The following ITPR3 variants were observed in gnomAD, a reference collection of about 807,000 sequenced individuals.
ITPR3 encodes the protein inositol 1,4,5-trisphosphate-gated calcium channel ITPR3.
In ITPR3, 173 loss-of-function variants were observed where a neutral mutation model predicts 293.2. That is an observed-to-expected ratio of 0.59 (90% CI 0.52 to 0.67). The LOEUF is 0.67. Among genes scored for constraint, ITPR3 ranks in the 30% least tolerant of loss-of-function variants. ITPR3 has a pLI of 0.00. For missense variants in ITPR3, 2,796 were observed against 3,592.1 expected (o/e 0.78, Z 5.66); for synonymous variants, 1,295 against 1,444.4 (o/e 0.90, Z 2.35).
chr6:33,676,533 T>A (rs1471774832), intron 25 of ITPR3, among the ~76,000 whole-genome samples: 1 of 152,122 alleles, frequency 6.6e-6, no homozygotes, highest in Non-Finnish European at 1.5e-5. Flanking sequence ...TGAAGCCAGG[T>A]TATGTGGCAG....
intron 1 of ITPR3, among the ~76,000 whole-genome samples, chr6:33,635,356 G>A (rs139027384): frequency 2.0e-5 from 3 of 152,230 alleles, no homozygotes; most frequent in Admixed American, 2.0e-4. Context: ...TACCTGAGGC[G>A]GGGACCTTGT....
Position 33,692,672 on chromosome 6 carries a change from T to C in ITPR3, c.7459-56T>C. 6.4e-7 allele frequency: 1 copy of C among 1,566,762 alleles called. No individual in the cohort carries two copies. The highest frequency in any genetic ancestry group is 8.7e-7 in the Non-Finnish European group (1 of 1,142,940). On this transcript the variant is annotated intron_variant, in intron 54 of 57. Transcript: ENST00000605930. This position sits in a 1 kb window ranked among gnomAD's most constrained non-coding sequence, Gnocchi z 4.2. ...CCTGGCCCCAACCTGAGTCCTATCT[T>C]GCCCCAGTGAATGTGGGGACCACCG...
intron 9 of ITPR3, among the ~76,000 whole-genome samples, chr6:33,663,231 G>A (rs888117481): frequency 6.6e-5 from 10 of 152,010 alleles, no homozygotes; most frequent in Non-Finnish European, 1.5e-4. Flanking sequence ...TCTAGGCACA[G>A]GGGATACAAA....
chr6:33,674,123 A>G, intron 23 of ITPR3, 85 bp from the exon 24 acceptor site: 1 of 1,491,618 alleles, frequency 6.7e-7, no homozygotes, highest in Non-Finnish European at 9.3e-7. Flanking sequence ...AGTGCAGGGA[A>G]GAGGGTGGTT....
intron 2 of ITPR3, among the ~76,000 whole-genome samples, chr6:33,648,480 C>T (rs1764117883): frequency 6.6e-6 from 1 of 152,172 alleles, no homozygotes; most frequent in Admixed American, 6.5e-5. Flanking sequence ...CCAACAGCAT[C>T]CTGTGGCCTG....
chr6:33,655,889 T>A lies in ITPR3; in HGVS notation c.282+2T>A. ...GTGGTGTTGCTGCAGAAGCTGCAGG[T>A]ATGTGTGTGTGTGCAGGCGTGCATC... is the stretch of plus-strand genomic sequence containing the variant. On this transcript the variant is annotated splice_donor_variant, in intron 3 of 57. Coordinates refer to ENST00000605930, the MANE Select transcript of ITPR3 (RefSeq NM_002224.4). LOFTEE classifies it high-confidence loss of function. This position sits in a 1 kb window ranked among gnomAD's most constrained non-coding sequence, Gnocchi z 4.9. The A allele has an allele frequency of 6.2e-7, 1 of 1,613,810 alleles. No homozygotes were observed. Among genetic ancestry groups the A allele is most frequent in the Non-Finnish European group, 8.5e-7 (1 of 1,179,932 alleles).
At chr6:33,643,022 CTA>C (rs1763984707) in intron 2 of ITPR3, among the ~76,000 whole-genome samples, 1 of 152,206 alleles carries the variant, frequency 6.6e-6, no homozygotes, top group Non-Finnish European at 1.5e-5. Flanking sequence ...GAGACATGGA[CTA>C]TAGCCTCTTC....
In ITPR3 at chr6:33,654,285, T is replaced by TA. The variant is rs1248094642; in HGVS notation, c.161-1473dup. ...CGTGTCTCAAAAAAAATAAGAAAAATAAAAAAAATAAAAAAGACACACTCT... is the reference window on the plus strand; with the variant it reads ...CGTGTCTCAAAAAAAATAAGAAAAATAAAAAAAAATAAAAAAGACACACTCT... On this transcript the variant is annotated intron_variant, in intron 2 of 57. Coordinates refer to ENST00000605930, the MANE Select transcript of ITPR3 (RefSeq NM_002224.4). This position sits in a 1 kb window ranked among gnomAD's most constrained non-coding sequence, Gnocchi z 4.1. 3.3e-5 allele frequency among the ~76,000 whole-genome samples: 5 copies of TA among 151,134 alleles called. No homozygotes were observed. In the East Asian group the frequency reaches 5.9e-4, roughly 18 times the overall value.
chr6:33,677,163 C>G (rs993081867), intron 27 of ITPR3, 74 bp downstream of exon 27: 1 of 1,354,478 alleles, frequency 7.4e-7, no homozygotes, highest in Non-Finnish European at 1.0e-6. Context: ...GGCCCGGCCC[C>G]CTGTGCCTCT....
In ITPR3 at chr6:33,688,371, G is replaced by C. The variant is rs1313039986; in HGVS notation, c.6508G>C (p.Asp2170His). Residue 2170 changes from aspartate (D) to histidine (H), a missense_variant, in exon 48 of 58, where the codon GAC becomes CAC. Coordinates refer to ENST00000605930, the MANE Select transcript of ITPR3 (RefSeq NM_002224.4). ...GGACGAGCAGGGCAGCAAAGTGAGC[G>C]ACTTCTTCGACCAGTCCTCCTTCCT... ...EQDEQGSKVS[D>H]FFDQSSFLHN... 6.6e-7 allele frequency: 1 copy of C among 1,524,314 alleles called. No homozygotes were observed. The highest frequency in any genetic ancestry group is 1.1e-5 in the South Asian group (1 of 89,970). 94.4% of individuals were successfully genotyped at this position (1,524,314 alleles called of 1,614,324 possible). A position where few individuals can be genotyped will look rare whatever the true frequency, so the allele number is the denominator to read the frequency against.
chr6:33,685,950 T>TG, intron 41 of ITPR3, 103 bp from the exon 42 acceptor site: 2 of 1,518,308 alleles, frequency 1.3e-6, no homozygotes, highest in East Asian at 2.3e-5. Flanking sequence ...GCTTTGTGGC[T>TG]GGTGGTTCCC....
rs1464147747 is a variant in ITPR3 at position 33,693,763 on chromosome 6, A to G, written c.7785+58A>G. 4 of 1,584,156 alleles carry G rather than the reference A, an allele frequency of 2.5e-6. No individual in the cohort carries two copies. The African/African-American group carries it at 5.4e-5, about 21-fold the overall frequency. ...CCAAACCAGCCATTCTAGAGTCATC[A>G]CTGTGCACCAGAGGCCTCATGGTTT... On this transcript the variant is annotated intron_variant, in intron 56 of 57. Transcript: ENST00000605930.
rs1765426349 is a variant in ITPR3, at chr6:33,692,668, A to G, written c.7459-60A>G. On this transcript the variant is annotated intron_variant, in intron 54 of 57. Coordinates refer to ENST00000605930, the MANE Select transcript of ITPR3 (RefSeq NM_002224.4). The surrounding 1 kb of genome is among the most constrained non-coding windows in gnomAD (Gnocchi z 4.2). ...CAGCCCTGGCCCCAACCTGAGTCCT[A>G]TCTTGCCCCAGTGAATGTGGGGACC... The G allele has an allele frequency of 1.2e-5, 19 of 1,560,714 alleles. No individual in the cohort carries two copies. In the East Asian group the frequency reaches 2.9e-4, roughly 24 times the overall value.
Position 33,621,648 on chromosome 6 carries a change from C to A in ITPR3, c.46C>A (p.Leu16Met). Residue 16 changes from leucine to methionine, a missense_variant, in exon 1 of 58, where the codon CTG becomes ATG. Leu to Met is a conservative substitution (Grantham distance 15). This residue lies in a region of ITPR3 where 22 missense variants were observed against 56.5 expected (regional missense o/e 0.39). Transcript: ENST00000605930. This position sits in a 1 kb window ranked among gnomAD's most constrained non-coding sequence, Gnocchi z 7.7. The part of the protein sequence containing the change: ...SFLHIGDIVS[L>M]YAEGSVNGFI... ...TCTTCACATCGGGGACATCGTCTCCCTGTACGCCGAGGGCTCCGTCAATGG... is the reference window on the plus strand; with the variant it reads ...TCTTCACATCGGGGACATCGTCTCCATGTACGCCGAGGGCTCCGTCAATGG... 6.2e-7 allele frequency: 1 copy of A among 1,610,670 alleles called. No homozygotes were observed.
rs755640976 is a variant in ITPR3 at position 33,659,107 on chromosome 6, C to T, written c.615C>T (p.Ala205=). 1.5e-5 allele frequency: 24 copies of T among 1,613,540 alleles called. No homozygotes were observed. Among genetic ancestry groups the T allele is most frequent in the Middle Eastern group, 1.7e-4 (1 of 6,028 alleles). ...HASNYELSDN[A]GCKEVNSVNC... The stretch of plus-strand genomic sequence containing the variant: ...GCAATTACGAGCTCAGCGACAACGC[C>T]GGCTGCAAGGAGGTGAGGGGGTGGG... The change falls in exon 6 of 58, where the codon GCC becomes GCT. Residue 205 remains alanine (A), a synonymous_variant. Coordinates refer to ENST00000605930, the MANE Select transcript of ITPR3 (RefSeq NM_002224.4).
chr6:33,687,258 G>A lies in ITPR3; in HGVS notation c.6108G>A (p.Glu2036=), dbSNP rs750545352. The A allele has an allele frequency of 4.3e-6, 7 of 1,613,732 alleles. No homozygotes were observed. The highest frequency in any genetic ancestry group is 5.1e-6 in the Non-Finnish European group (6 of 1,179,742). The change falls in exon 45 of 58, where the codon GAG becomes GAA. Residue 2036 remains glutamate (E), a synonymous_variant. Coordinates refer to ENST00000605930, the MANE Select transcript of ITPR3 (RefSeq NM_002224.4). This position sits in a 1 kb window ranked among gnomAD's most constrained non-coding sequence, Gnocchi z 5.3. ...VDVIKKAYLQ[E]EERENSEVSP... is the part of the protein sequence containing the mutation. ...TCATCAAGAAGGCCTACCTGCAGGA[G>A]GAAGAGCGTGAGAACTCGGAGGTGA...
At chr6:33,652,094 C>T (rs1764205341) in intron 2 of ITPR3, among the ~76,000 whole-genome samples, 1 of 152,180 alleles carries the variant, frequency 6.6e-6, no homozygotes, top group African/African-American at 2.4e-5. Flanking sequence ...CCGGTCTCAG[C>T]TCAGCACCTC....
chr6:33,675,857 G>A lies in ITPR3; in HGVS notation c.3282+1G>A, dbSNP rs1021523464. 6.4e-7 allele frequency: 1 copy of A among 1,557,978 alleles called. No homozygotes were observed. The highest frequency in any genetic ancestry group is 8.7e-7 in the Non-Finnish European group (1 of 1,150,754). ...GGAGGCCATGCACACCTTCAAGCAGGTGACGGGACTACCTGGCCCTGGCCC... is the reference window on the plus strand; with the variant it reads ...GGAGGCCATGCACACCTTCAAGCAGATGACGGGACTACCTGGCCCTGGCCC... On this transcript the variant is annotated splice_donor_variant, in intron 25 of 57. Coordinates refer to ENST00000605930, the MANE Select transcript of ITPR3 (RefSeq NM_002224.4). LOFTEE classifies it high-confidence loss of function. This position sits in a 1 kb window ranked among gnomAD's most constrained non-coding sequence, Gnocchi z 5.0.
In ITPR3 at chr6:33,692,670, C is replaced by T. The variant is rs1199616567; in HGVS notation, c.7459-58C>T. The T allele has an allele frequency of 4.5e-6, 7 of 1,565,464 alleles. No individual in the cohort carries two copies. The highest frequency in any genetic ancestry group is 6.1e-6 in the Non-Finnish European group (7 of 1,142,470). On this transcript the variant is annotated intron_variant, in intron 54 of 57. Transcript: ENST00000605930. The surrounding 1 kb of genome is among the most constrained non-coding windows in gnomAD (Gnocchi z 4.2). ...GCCCTGGCCCCAACCTGAGTCCTAT[C>T]TTGCCCCAGTGAATGTGGGGACCAC...
Sources: allele counts gnomAD v4.1 joint callset (sites outside exome capture counted in the v4.1 genomes callset), GRCh38; gene constraint gnomAD v4.1.1; regional missense constraint gnomAD v4.1.1; non-coding constraint Gnocchi (gnomAD v3.1); transcripts MANE v1.5; gene names NCBI Gene and HGNC (gene_info 2026-07-23, HGNC 2026-07-21).